Variants in DHRS7C observed in about 807,000 individuals in gnomAD.
DHRS7C encodes the protein dehydrogenase/reductase 7C, also known as dehydrogenase/reductase SDR family member 7C.
In DHRS7C, 28 loss-of-function variants were observed where a neutral mutation model predicts 29.6. That is an observed-to-expected ratio of 0.95 (90% CI 0.70 to 1.30). The LOEUF (loss-of-function observed/expected upper bound fraction) is 1.30, where lower values mean the gene tolerates loss of function less well. Among genes scored for constraint, DHRS7C ranks in the 50% most tolerant of loss-of-function variants. DHRS7C has a pLI of 0.00. For synonymous variants in DHRS7C, 158 were observed against 160.2 expected (o/e 0.99, Z 0.10); for missense variants, 403 against 393.3 (o/e 1.02, Z -0.21).
In DHRS7C at chr17:9,774,865, G is replaced by C. The variant is rs990399916; in HGVS notation, c.572-1943C>G. Among the ~76,000 whole-genome samples the C allele has an allele frequency of 6.6e-6, 1 of 152,078 alleles. No individual in the cohort carries two copies. On this transcript the variant is annotated intron_variant, in intron 4 of 5. Coordinates refer to ENST00000571134, the MANE Select transcript of DHRS7C (RefSeq NM_001105571.3). This position sits in a 1 kb window ranked among gnomAD's most constrained non-coding sequence, Gnocchi z 5.0. Reference sequence around the variant, plus strand: ...GATTCAGAGGAAGAAGAGAATTTGGGGCCAGTCCAGGGTGGCATGGCTTCA... The same window carrying C: ...GATTCAGAGGAAGAAGAGAATTTGGCGCCAGTCCAGGGTGGCATGGCTTCA...
chr17:9,778,976 C>A lies in DHRS7C; in HGVS notation c.478+849G>T, dbSNP rs887552461. Reference sequence around the variant, plus strand: ...TAAAGATGGAGTGCAATGGTGTGATCTTGGCTCACTGCAACATCAGCCTCC... The same window carrying A: ...TAAAGATGGAGTGCAATGGTGTGATATTGGCTCACTGCAACATCAGCCTCC... On this transcript the variant is annotated intron_variant, in intron 3 of 5. Transcript: ENST00000571134. 2.0e-5 allele frequency among the ~76,000 whole-genome samples: 3 copies of A among 151,814 alleles called. No individual in the cohort carries two copies. The East Asian group carries it at 5.8e-4, about 29-fold the overall frequency.
intron 2 of DHRS7C, among the ~76,000 whole-genome samples, chr17:9,780,745 C>T (rs1006946379): frequency 6.6e-6 from 1 of 152,170 alleles, no homozygotes; most frequent in Admixed American, 6.5e-5. Context: ...TGGAGATACA[C>T]AGTGCACACT....
rs769134260 is a variant in DHRS7C, at chr17:9,774,203, A to G, written c.572-1281T>C. On this transcript the variant is annotated intron_variant, in intron 4 of 5. Coordinates refer to ENST00000571134, the MANE Select transcript of DHRS7C (RefSeq NM_001105571.3). The surrounding 1 kb of genome is among the most constrained non-coding windows in gnomAD (Gnocchi z 5.0). Reference sequence around the variant, plus strand: ...TGAGAAGCTGGGGACCCAGAGGTGAATAGAAGTAGCTCTGGCCTCATGGAG... The same window carrying G: ...TGAGAAGCTGGGGACCCAGAGGTGAGTAGAAGTAGCTCTGGCCTCATGGAG... Among the ~76,000 whole-genome samples, 20 of 152,206 alleles carry G rather than the reference A, an allele frequency of 1.3e-4. No homozygotes were observed. Among genetic ancestry groups the G allele is most frequent in the South Asian group, 4.1e-4 (2 of 4,830 alleles).
intron 1 of DHRS7C, among the ~76,000 whole-genome samples, chr17:9,784,811 G>T (rs1164737062): frequency 6.6e-6 from 1 of 152,144 alleles, no homozygotes; most frequent in Non-Finnish European, 1.5e-5. Flanking sequence ...AATAGTCTTG[G>T]CCACATTCTT....
chr17:9,772,832 G>C lies in DHRS7C; in HGVS notation c.662C>G (p.Pro221Arg). The change falls in exon 5 of 6, where the codon CCG becomes CGG. Residue 221 changes from proline (P) to arginine (R), a missense_variant. Coordinates refer to ENST00000571134, the MANE Select transcript of DHRS7C (RefSeq NM_001105571.3). Reference sequence around the variant, plus strand: ...CACGTGGTACGACCGGATGAAAGTCGGGCTCACGGTGCTGATGACAACATC... The same window carrying C: ...CACGTGGTACGACCGGATGAAAGTCCGGCTCACGGTGCTGATGACAACATC... Reference protein sequence around the residue: ...EYDVVISTVSPTFIRSYHVYP... With the variant: ...EYDVVISTVSRTFIRSYHVYP... 6.2e-7 allele frequency: 1 copy of C among 1,613,972 alleles called. No individual in the cohort carries two copies. The highest frequency in any genetic ancestry group is 8.5e-7 in the Non-Finnish European group (1 of 1,179,884).
At position 9,775,310 on chromosome 17, in the gene DHRS7C, C is replaced by T. The variant is rs967621391; in HGVS notation, c.571+1883G>A. Among the ~76,000 whole-genome samples the T allele has an allele frequency of 6.6e-6, 1 of 152,200 alleles. No homozygotes were observed. The highest frequency in any genetic ancestry group is 2.1e-4 in the South Asian group (1 of 4,824). On this transcript the variant is annotated intron_variant, in intron 4 of 5. Transcript: ENST00000571134. This position sits in a 1 kb window ranked among gnomAD's most constrained non-coding sequence, Gnocchi z 4.2. ...GTGGCAAAGACTGCTGTATGTGGCC[C>T]ATTCACTCTGCCCTTCTTCCTGGGC...
At chr17:9,787,021 C>T (rs1440635505) in intron 1 of DHRS7C, among the ~76,000 whole-genome samples, 1 of 152,100 alleles carries the variant, frequency 6.6e-6, no homozygotes, top group Non-Finnish European at 1.5e-5. Flanking sequence ...TCTCAGCTCA[C>T]TGCAATCTCT....
chr17:9,790,553 G>T (rs1345118479), intron 1 of DHRS7C, among the ~76,000 whole-genome samples: 1 of 152,196 alleles, frequency 6.6e-6, no homozygotes, highest in Non-Finnish European at 1.5e-5. Context: ...ACTAGCGTGG[G>T]CATGTTTTGC....
intron 1 of DHRS7C, among the ~76,000 whole-genome samples, chr17:9,787,832 T>C (rs1416442132): frequency 1.3e-5 from 2 of 151,956 alleles, no homozygotes; most frequent in African/African-American, 2.4e-5. Context: ...CTCAGCCTCC[T>C]GAGTAGCTGG....
intron 1 of DHRS7C, 27 bp downstream of exon 1, chr17:9,791,104 G>C: frequency 1.3e-6 from 2 of 1,594,680 alleles, no homozygotes; most frequent in South Asian, 2.3e-5. Flanking sequence ...GCAGAAATGG[G>C]CACAGGTGGG....
chr17:9,786,462 G>C (rs909513100), intron 1 of DHRS7C, among the ~76,000 whole-genome samples: 1 of 151,390 alleles, frequency 6.6e-6, no homozygotes, highest in South Asian at 2.1e-4. Flanking sequence ...ACTGTCTCAC[G>C]ACACCCTTGA....
At chr17:9,789,674 G>A (rs1013420443) in intron 1 of DHRS7C, among the ~76,000 whole-genome samples, 2 of 152,202 alleles carry the variant, frequency 1.3e-5, no homozygotes, top group Non-Finnish European at 2.9e-5. Context: ...GGTAGAGGCC[G>A]TATCAGGGAT....
In DHRS7C at chr17:9,791,292, TG is replaced by T. The variant is rs751306781; in HGVS notation, c.-9del. 2 of 1,613,372 alleles carry T rather than the reference TG, an allele frequency of 1.2e-6. No individual in the cohort carries two copies. Among genetic ancestry groups the T allele is most frequent in the Non-Finnish European group, 1.7e-6 (2 of 1,179,694 alleles). On this transcript the variant is annotated 5_prime_UTR_variant, in exon 1 of 6. Coordinates refer to ENST00000571134, the MANE Select transcript of DHRS7C (RefSeq NM_001105571.3). The stretch of plus-strand genomic sequence containing the variant: ...CATGGCCATGACTCCCATCTTGTTC[TG>T]GGGGACAACGGAGTAAAAGGGGATT...
Position 9,772,496 on chromosome 17 carries a change from G to A in DHRS7C, c.727+271C>T, listed in dbSNP as rs147099852. On this transcript the variant is annotated intron_variant, in intron 5 of 5. Transcript: ENST00000571134. Reference sequence around the variant, plus strand: ...CATCTGGGAAAAAGGCCCAGAGATAGGCAGTTGCTTGCCGAGGTGGCAGAG... The same window carrying A: ...CATCTGGGAAAAAGGCCCAGAGATAAGCAGTTGCTTGCCGAGGTGGCAGAG... Among the ~76,000 whole-genome samples the A allele has an allele frequency of 2.4e-3, 361 of 152,288 alleles. 1 individual carries two copies. Among genetic ancestry groups the A allele is most frequent in the Non-Finnish European group, 4.5e-3 (304 of 68,024 alleles).
At position 9,774,946 on chromosome 17, in the gene DHRS7C, G is replaced by A. The variant is rs567553552; in HGVS notation, c.572-2024C>T. On this transcript the variant is annotated intron_variant, in intron 4 of 5. Coordinates refer to ENST00000571134, the MANE Select transcript of DHRS7C (RefSeq NM_001105571.3). The surrounding 1 kb of genome is among the most constrained non-coding windows in gnomAD (Gnocchi z 5.0). ...CCCTCAATTCCTCAGCTTCAGAGAAGCCAGACCATGACTGATGGGGGTGGA... is the reference window on the plus strand; with the variant it reads ...CCCTCAATTCCTCAGCTTCAGAGAAACCAGACCATGACTGATGGGGGTGGA... Among the ~76,000 whole-genome samples, 1 of 152,318 alleles carries A rather than the reference G, an allele frequency of 6.6e-6. No individual in the cohort carries two copies. Among genetic ancestry groups the A allele is most frequent in the African/African-American group, 2.4e-5 (1 of 41,550 alleles).
At chr17:9,772,062 C>T (rs2066332529) in intron 5 of DHRS7C, among the ~76,000 whole-genome samples, 1 of 152,116 alleles carries the variant, frequency 6.6e-6, no homozygotes, top group African/African-American at 2.4e-5. Flanking sequence ...CCTGGAACCC[C>T]TGGTCTGCCC....
intron 3 of DHRS7C, 107 bp from the exon 4 acceptor site, chr17:9,777,392 C>A (rs1272323356): frequency 5.2e-6 from 4 of 763,924 alleles, no homozygotes; most frequent in Non-Finnish European, 8.5e-6. Context: ...TCCGCTACCT[C>A]CGCGGTAACT....
chr17:9,786,916 T>G (rs575260474), intron 1 of DHRS7C, among the ~76,000 whole-genome samples: 13 of 152,038 alleles, frequency 8.6e-5, no homozygotes, highest in Admixed American at 1.3e-4. Flanking sequence ...GCATTTTCAC[T>G]CCTCGCTCCC....
chr17:9,771,740 G>T, intron 5 of DHRS7C, 44 bp from the exon 6 acceptor site: 3 of 1,370,796 alleles, frequency 2.2e-6, no homozygotes, highest in Non-Finnish European at 2.8e-6. Flanking sequence ...CCTCCGTGGG[G>T]ACCCGGCTGG....
Sources: allele counts gnomAD v4.1 joint callset (sites outside exome capture counted in the v4.1 genomes callset), GRCh38; gene constraint gnomAD v4.1.1; non-coding constraint Gnocchi (gnomAD v3.1); transcripts MANE v1.5; gene names NCBI Gene and HGNC (gene_info 2026-07-23, HGNC 2026-07-21).